Variants in NDUFB5 observed in about 807,000 individuals in gnomAD.
The protein encoded by NDUFB5 is NADH:ubiquinone oxidoreductase subunit B5.
In NDUFB5, 19 loss-of-function variants were observed where a neutral mutation model predicts 19.4. The observed-to-expected ratio is 0.98, with a 90% CI of 0.68 to 1.43. The LOEUF (loss-of-function observed/expected upper bound fraction) is 1.43. Among genes scored for constraint, NDUFB5 ranks in the 40% most tolerant of loss-of-function variants. NDUFB5 has a pLI of 0.00. For synonymous variants in NDUFB5, 80 were observed against 82.6 expected (o/e 0.97, Z 0.17); for missense variants, 233 against 236.5 (o/e 0.99, Z 0.10).
chr3:179,614,678 G>C, intron 1 of NDUFB5: 1 of 172,054 alleles, frequency 5.8e-6, no homozygotes, highest in Non-Finnish European at 1.2e-5. Flanking sequence ...TTTGTTTAAA[G>C]ATACCCTATC....
At position 179,615,968 on chromosome 3, in the gene NDUFB5, T is replaced by C. The variant is rs766776785; in HGVS notation, c.214-15T>C. On this transcript the variant is annotated splice_polypyrimidine_tract_variant and intron_variant, in intron 2 of 5. Coordinates refer to ENST00000259037, the MANE Select transcript of NDUFB5 (RefSeq NM_002492.4). Reference sequence around the variant, plus strand: ...TACGAAATGGTCATGAGAAACACTTTTTTTTTTATCTTAGAGATTCTACAT... The same window carrying C: ...TACGAAATGGTCATGAGAAACACTTCTTTTTTTATCTTAGAGATTCTACAT... 7 of 1,601,388 alleles carry C rather than the reference T, an allele frequency of 4.4e-6. No homozygotes were observed. Among genetic ancestry groups the C allele is most frequent in the Admixed American group, 1.7e-5 (1 of 59,544 alleles).
At chr3:179,615,632 A>G in intron 2 of NDUFB5, 1 of 480,714 alleles carries the variant, frequency 2.1e-6, no homozygotes, top group Non-Finnish European at 4.1e-6. Context: ...AAAGCTCTGA[A>G]TCATCATTTG....
chr3:179,605,042 A>G (rs945719387), intron 1 of NDUFB5, 103 bp downstream of exon 1: 11 of 1,404,278 alleles, frequency 7.8e-6, no homozygotes, highest in Non-Finnish European at 1.0e-5. Flanking sequence ...GAGCCGGGAC[A>G]AGTTGTGGGC....
chr3:179,606,426 C>T (rs1303665859), intron 1 of NDUFB5, among the ~76,000 whole-genome samples: 1 of 152,160 alleles, frequency 6.6e-6, no homozygotes, highest in African/African-American at 2.4e-5. Context: ...GCAACCTCTG[C>T]CTCCTGCGTT....
At chr3:179,618,711 C>G (rs1021803710) in intron 5 of NDUFB5, among the ~76,000 whole-genome samples, 190 bp downstream of exon 5, 1 of 152,050 alleles carries the variant, frequency 6.6e-6, no homozygotes, top group Non-Finnish European at 1.5e-5. Flanking sequence ...ATTAGCCGGG[C>G]GTGGTGGTAC....
At chr3:179,608,450 C>T (rs1329924975) in intron 1 of NDUFB5, among the ~76,000 whole-genome samples, 2 of 152,192 alleles carry the variant, frequency 1.3e-5, no homozygotes, top group East Asian at 3.9e-4. Flanking sequence ...GCCTTGGCCT[C>T]CCAAAGTGCT....
intron 3 of NDUFB5, among the ~76,000 whole-genome samples, chr3:179,616,415 G>A (rs945023135): frequency 2.6e-5 from 4 of 152,028 alleles, no homozygotes; most frequent in East Asian, 1.9e-4. Flanking sequence ...GGTGGCAGGC[G>A]CCTGTAATCC....
intron 4 of NDUFB5, chr3:179,618,204 A>G (rs112402398): frequency 5.1e-6 from 2 of 392,596 alleles, no homozygotes; most frequent in African/African-American, 4.2e-5. Context: ...TTTATTAGCT[A>G]CGTAACTTTG....
chr3:179,605,994 G>T (rs184323600), intron 1 of NDUFB5, among the ~76,000 whole-genome samples: 224 of 152,224 alleles, frequency 1.5e-3, no homozygotes, highest in Non-Finnish European at 2.7e-3. Context: ...GTTTCACCAT[G>T]TTGGCCAGGC....
intron 1 of NDUFB5, chr3:179,607,948 T>C (rs1232665429): frequency 1.6e-6 from 1 of 611,930 alleles, no homozygotes; most frequent in East Asian, 2.8e-5. Flanking sequence ...ATTTACCCCA[T>C]TTTGCTTATC....
rs1447055010 is a variant in NDUFB5, at chr3:179,624,029, C to T, written c.559C>T (p.Pro187Ser). 1.2e-6 allele frequency: 2 copies of T among 1,613,254 alleles called. No individual in the cohort carries two copies. The highest frequency in any genetic ancestry group is 1.7e-6 in the Non-Finnish European group (2 of 1,179,514). The change falls in exon 6 of 6, where the codon CCT becomes TCT. Residue 187 changes from proline to serine, a missense_variant. By Grantham distance (74) the Pro-to-Ser change is moderately conservative (BLOSUM62 -1). Coordinates refer to ENST00000259037, the MANE Select transcript of NDUFB5 (RefSeq NM_002492.4). Reference sequence around the variant, plus strand: ...TATTGATCATTCTCCGAAAGCAACTCCTGACAATTAAGCATTTTTTTCTCC... The same window carrying T: ...TATTGATCATTCTCCGAAAGCAACTTCTGACAATTAAGCATTTTTTTCTCC... ...ELIDHSPKATPDN is the reference protein window; with the variant it reads ...ELIDHSPKATSDN
Position 179,624,795 on chromosome 3 carries a change from C to CTTTTTTTTTTT in NDUFB5, c.*766_*776dup, listed in dbSNP as rs56727188. ...GCATTTTTTAACATTATTTTCTTTT[C>CTTTTTTTTTTT]TTTTTTTTTTTTTTTTTTTTTGACG... On this transcript the variant is annotated 3_prime_UTR_variant, in exon 6 of 6. Transcript: ENST00000259037. The CTTTTTTTTTTT allele has an allele frequency of 1.0e-5, 1 of 97,278 alleles. No homozygotes were observed. Among genetic ancestry groups the CTTTTTTTTTTT allele is most frequent in the African/African-American group, 3.5e-5 (1 of 28,494 alleles). 6.0% of individuals were successfully genotyped at this position (97,278 alleles called of 1,614,324 possible). A position where few individuals can be genotyped will look rare whatever the true frequency, so the allele number is the denominator to read the frequency against.
At chr3:179,607,842 C>G in intron 1 of NDUFB5, 1 of 700,374 alleles carries the variant, frequency 1.4e-6, no homozygotes, top group South Asian at 1.5e-5. Flanking sequence ...ATTTGTCTGT[C>G]ACTTAGCATA....
At chr3:179,616,799 C>T (rs1277577691) in intron 3 of NDUFB5, among the ~76,000 whole-genome samples, 184 bp from the exon 4 acceptor site, 1 of 152,106 alleles carries the variant, frequency 6.6e-6, no homozygotes, top group East Asian at 1.9e-4. Flanking sequence ...CTAAAAATGT[C>T]TAACAAATGA....
intron 5 of NDUFB5, among the ~76,000 whole-genome samples, chr3:179,622,320 T>G (rs530543309): frequency 2.6e-5 from 4 of 152,148 alleles, no homozygotes; most frequent in South Asian, 4.1e-4. Flanking sequence ...TGTTTTTGTT[T>G]TTTTTTTATT....
intron 1 of NDUFB5, among the ~76,000 whole-genome samples, chr3:179,613,664 G>A (rs1056707728): frequency 6.6e-6 from 1 of 152,094 alleles, no homozygotes; most frequent in East Asian, 1.9e-4. Flanking sequence ...TATTTAAAAA[G>A]CCTTAGTAGT....
intron 2 of NDUFB5, chr3:179,615,601 G>A (rs745787337): frequency 4.3e-6 from 2 of 468,608 alleles, no homozygotes; most frequent in South Asian, 3.1e-5. Flanking sequence ...GAGATTGTCT[G>A]GACCATCTGC....
intron 1 of NDUFB5, among the ~76,000 whole-genome samples, chr3:179,605,637 T>A (rs1011050765): frequency 1.6e-4 from 25 of 151,958 alleles, no homozygotes; most frequent in Non-Finnish European, 3.5e-4. Flanking sequence ...ATTTCTTTTT[T>A]AAAAAAACCA....
chr3:179,615,630 G>GA (rs1402537912), intron 2 of NDUFB5: 1 of 479,674 alleles, frequency 2.1e-6, no homozygotes, highest in Non-Finnish European at 4.1e-6. Flanking sequence ...ATAAAGCTCT[G>GA]AATCATCATT....
Sources: gnomAD v4.1 joint callset for allele counts (sites outside exome capture counted in the v4.1 genomes callset) on GRCh38, gnomAD v4.1.1 for gene constraint, MANE v1.5 for transcripts, NCBI Gene and HGNC (gene_info 2026-07-23, HGNC 2026-07-21) for gene names.